ZNF746: variants seen among roughly 807,000 people sequenced by gnomAD.
ZNF746 encodes the protein parkin-interacting substrate.
In ZNF746, 13 loss-of-function variants were observed where a neutral mutation model predicts 41.0. The observed-to-expected ratio is 0.32, with a 90% CI of 0.21 to 0.50. The LOEUF is 0.50. ZNF746 is among the 20% of genes least tolerant of loss of function. ZNF746 has a pLI of 0.98. For missense variants in ZNF746, 811 were observed against 922.9 expected (o/e 0.88, Z 1.57); for synonymous variants, 424 against 396.2 (o/e 1.07, Z -0.83).
chr7:149,492,866 G>A lies in ZNF746; in HGVS notation c.558C>T (p.Pro186=), dbSNP rs186835411. ...CCTTCTCCCAGCCCTTACCTGGACT[G>A]GGGTCCACAGGAACATCTGGAATCT... The part of the protein sequence containing the change: ...GPKIPDVPVD[P]SPGSGPPVPA... The change falls in exon 4 of 7, where the codon CCC becomes CCT. Residue 186 remains proline (P), a synonymous_variant. Transcript: ENST00000458143. 6.0e-5 allele frequency: 96 copies of A among 1,612,720 alleles called. No homozygotes were observed. The African/African-American group carries it at 1.1e-3, about 19-fold the overall frequency.
At chr7:149,496,339 A>G (rs1306525086) in intron 1 of ZNF746, among the ~76,000 whole-genome samples, 1 of 152,162 alleles carries the variant, frequency 6.6e-6, no homozygotes, top group Non-Finnish European at 1.5e-5. Context: ...CCAGCTTCTT[A>G]CTGACAAGTG....
rs1299863327 is a variant in ZNF746, at chr7:149,475,401, A to G, written c.966T>C (p.Ala322=). The G allele has an allele frequency of 4.1e-5, 66 of 1,614,064 alleles. No individual in the cohort carries two copies. Among genetic ancestry groups the G allele is most frequent in the Non-Finnish European group, 5.4e-5 (64 of 1,180,024 alleles). The change falls in exon 7 of 7, where the codon GCT becomes GCC. Residue 322 remains alanine, a synonymous_variant. Coordinates refer to ENST00000458143, the MANE Select transcript of ZNF746 (RefSeq NM_001394198.1). ...ATPVHPTDLE[A]HGTLFGPGQA... is the part of the protein sequence containing the mutation. The stretch of plus-strand genomic sequence containing the variant: ...GGCCTGGTCCAAACAGGGTCCCGTG[A>G]GCCTCTAGGTCAGTAGGATGTACGG...
At chr7:149,483,381 G>C (rs1292876304) in intron 4 of ZNF746, among the ~76,000 whole-genome samples, 1 of 152,080 alleles carries the variant, frequency 6.6e-6, no homozygotes, top group Non-Finnish European at 1.5e-5. Context: ...GGGAAGCTGA[G>C]GTGGATCACG....
At position 149,475,340 on chromosome 7, in the gene ZNF746, C is replaced by CT; in HGVS notation, c.1026dup (p.Gly343ArgfsTer26). 1 of 1,614,152 alleles carries CT rather than the reference C, an allele frequency of 6.2e-7. No individual in the cohort carries two copies. Among genetic ancestry groups the CT allele is most frequent in the Non-Finnish European group, 8.5e-7 (1 of 1,180,022 alleles). On this transcript the variant is annotated frameshift_variant, in exon 7 of 7. Transcript: ENST00000458143. LOFTEE classifies it low-confidence loss of function (END_TRUNC). ...GAGCTGCCCTGGCTTTCCCAGGCTCCTTCCTGGGCAGGACTAGGGAAGAAC... is the reference window on the plus strand; with the variant it reads ...GAGCTGCCCTGGCTTTCCCAGGCTCCTTTCCTGGGCAGGACTAGGGAAGAAC...
At chr7:149,480,360 A>C (rs1185327554) in intron 4 of ZNF746, among the ~76,000 whole-genome samples, 1 of 152,220 alleles carries the variant, frequency 6.6e-6, no homozygotes, top group Non-Finnish European at 1.5e-5. Context: ...ATCAAAACTG[A>C]CCAAATTTTG....
intron 4 of ZNF746, chr7:149,491,886 G>T: frequency 1.4e-6 from 1 of 701,318 alleles, no homozygotes; most frequent in Admixed American, 2.0e-5. Flanking sequence ...TTTCTCCTGT[G>T]TCCACCTGTC....
intron 4 of ZNF746, chr7:149,491,921 G>C (rs1040358063): frequency 1.4e-6 from 1 of 702,016 alleles, no homozygotes; most frequent in African/African-American, 1.7e-5. Flanking sequence ...CAAAGGTGCT[G>C]ACTGGCTCCA....
rs1466627845 is a variant in ZNF746, at chr7:149,475,138, C to T, written c.1229G>A (p.Arg410Lys). The T allele has an allele frequency of 6.2e-7, 1 of 1,612,620 alleles. No individual in the cohort carries two copies. ...RCKPPVGLNPRTGPEGLPYSS... is the reference protein window; with the variant it reads ...RCKPPVGLNPKTGPEGLPYSS... ...GTAAGGAAGCCCCTCGGGCCCCGTC[C>T]TCGGGTTCAGGCCCACTGGCGGTTT... Residue 410 changes from arginine to lysine, a missense_variant, in exon 7 of 7, where the codon AGG (arginine) becomes AAG (lysine). This residue lies in a region of ZNF746 where 495 missense variants were observed against 481.6 expected (regional missense o/e 1.03). Transcript: ENST00000458143.
intron 4 of ZNF746, among the ~76,000 whole-genome samples, chr7:149,486,421 A>G (rs1268037397): frequency 6.6e-6 from 1 of 151,940 alleles, no homozygotes; most frequent in Non-Finnish European, 1.5e-5. Flanking sequence ...CAAAAAAAAA[A>G]AAAAGAAAAG....
At position 149,474,912 on chromosome 7, in the gene ZNF746, G is replaced by T; in HGVS notation, c.1455C>A (p.Ser485Arg). Residue 485 changes from serine (S) to arginine (R), a missense_variant, in exon 7 of 7, where the codon AGC becomes AGA. Coordinates refer to ENST00000458143, the MANE Select transcript of ZNF746 (RefSeq NM_001394198.1). This position sits in a 1 kb window ranked among gnomAD's most constrained non-coding sequence, Gnocchi z 6.3. The stretch of plus-strand genomic sequence containing the variant: ...GCGCCCCACAGCTGCGCTGGTGCGC[G>T]CTCAGGCTGACTTGCAGCTGGAAGC... ...GKSFQLQVSL[S>R]AHQRSCGAPD... The T allele has an allele frequency of 1.3e-6, 2 of 1,539,098 alleles. No homozygotes were observed. The highest frequency in any genetic ancestry group is 1.4e-5 in the African/African-American group (1 of 73,004).
At chr7:149,489,042 A>C (rs1461635876) in intron 4 of ZNF746, 1 of 152,246 alleles carries the variant, frequency 6.6e-6, no homozygotes, top group Non-Finnish European at 1.5e-5. Flanking sequence ...GAAATACAGA[A>C]TAATGAGTGA....
At position 149,477,497 on chromosome 7, in the gene ZNF746, G is replaced by A. The variant is rs1003253294; in HGVS notation, c.757+67C>T. On this transcript the variant is annotated intron_variant, in intron 5 of 6. Transcript: ENST00000458143. The stretch of plus-strand genomic sequence containing the variant: ...GCCCACAGCTCCCCCATGCTGCCAC[G>A]AGCCCTCCCCTGTCCCTCCTGTGAT... 1.2e-5 allele frequency: 18 copies of A among 1,510,468 alleles called. No homozygotes were observed. The East Asian group carries it at 1.8e-4, about 15-fold the overall frequency. 93.6% of individuals were successfully genotyped at this position (1,510,468 alleles called of 1,614,324 possible). A position where few individuals can be genotyped will look rare whatever the true frequency, so the allele number is the denominator to read the frequency against.
At chr7:149,475,606 G>C in intron 6 of ZNF746, 123 bp from the exon 7 acceptor site, 2 of 1,468,812 alleles carry the variant, frequency 1.4e-6, no homozygotes, top group Non-Finnish European at 1.8e-6. Flanking sequence ...CCTCGTGGCT[G>C]AGCCCAGAGG....
At chr7:149,477,101 G>A (rs1163010282) in intron 5 of ZNF746, 54 bp from the exon 6 acceptor site, 2 of 1,557,272 alleles carry the variant, frequency 1.3e-6, no homozygotes, top group Admixed American at 3.8e-5. Context: ...GGGGAGGACA[G>A]AAGACTGTTG....
chr7:149,472,759 G>A (rs1441087255), downstream of ZNF746: 1 of 152,632 alleles, frequency 6.6e-6, no homozygotes, highest in Non-Finnish European at 1.5e-5. Flanking sequence ...CAGTGACAAA[G>A]ACACATGCCT....
chr7:149,492,811 T>C (rs1800847981), intron 4 of ZNF746, 48 bp downstream of exon 4: 2 of 1,369,640 alleles, frequency 1.5e-6, no homozygotes, highest in Non-Finnish European at 2.1e-6. Flanking sequence ...TCCGTCTCTG[T>C]TTCCTGCACA....
rs1302088605 is a variant in ZNF746 at position 149,475,168 on chromosome 7, C to T, written c.1199G>A (p.Arg400Gln). ...FGGVRWGWNFRCKPPVGLNPR... is the reference protein window; with the variant it reads ...FGGVRWGWNFQCKPPVGLNPR... ...GTTCAGGCCCACTGGCGGTTTACAC[C>T]GGAAATTCCAGCCCCACCGGACCCC... The change falls in exon 7 of 7, where the codon CGG becomes CAG. Residue 400 changes from arginine to glutamine, a missense_variant. Coordinates refer to ENST00000458143, the MANE Select transcript of ZNF746 (RefSeq NM_001394198.1). 3 of 1,612,518 alleles carry T rather than the reference C, an allele frequency of 1.9e-6. No individual in the cohort carries two copies. The highest frequency in any genetic ancestry group is 1.3e-5 in the African/African-American group (1 of 74,934).
chr7:149,495,302 T>C lies in ZNF746; in HGVS notation c.25-799A>G, dbSNP rs550277691. Among the ~76,000 whole-genome samples the C allele has an allele frequency of 2.0e-5, 3 of 152,304 alleles. No homozygotes were observed. In the East Asian group the frequency reaches 5.8e-4, roughly 29 times the overall value. ...AAGGTAAAAATGACGGCCTCCGACA[T>C]TTTTGTAGCTGTACCAGGAGCAGTG... On this transcript the variant is annotated intron_variant, in intron 1 of 6. Coordinates refer to ENST00000458143, the MANE Select transcript of ZNF746 (RefSeq NM_001394198.1).
At chr7:149,480,296 T>C (rs1800447446) in intron 4 of ZNF746, among the ~76,000 whole-genome samples, 2 of 152,114 alleles carry the variant, frequency 1.3e-5, no homozygotes, top group African/African-American at 4.8e-5. Context: ...GAATATAAAG[T>C]TCAATTATTT....
Sources: allele counts gnomAD v4.1 joint callset (sites outside exome capture counted in the v4.1 genomes callset), GRCh38; gene constraint gnomAD v4.1.1; regional missense constraint gnomAD v4.1.1; non-coding constraint Gnocchi (gnomAD v3.1); transcripts MANE v1.5; gene names NCBI Gene and HGNC (gene_info 2026-07-23, HGNC 2026-07-21).